The following EXOC5 variants were observed in gnomAD, a reference collection of about 807,000 sequenced individuals.
The protein encoded by EXOC5 is SEC10-like 1.
In EXOC5, 17 loss-of-function variants were observed where a neutral mutation model predicts 90.8. The ratio of observed to expected loss-of-function variants is 0.19; its 90% confidence interval spans 0.13 to 0.28. The LOEUF is 0.28. EXOC5 is among the 10% of genes least tolerant of loss of function. The pLI, the probability that EXOC5 is intolerant of heterozygous loss-of-function variation, is 1.00. For synonymous variants in EXOC5, 260 were observed against 270.0 expected, an observed-to-expected ratio of 0.96 and a Z score of 0.36; for missense variants, 569 against 830.6, an observed-to-expected ratio of 0.69 and a Z score of 3.87.
intron 1 of EXOC5, among the ~76,000 whole-genome samples, chr14:57,262,723 G>A (rs112519821): frequency 0.27 from 37,939 of 141,018 alleles, 12,080 homozygotes; most frequent in African/African-American, 0.76. Flanking sequence ...ATATGTGTGT[G>A]TATATATACG....
intron 1 of EXOC5, among the ~76,000 whole-genome samples, chr14:57,256,691 G>A (rs2065873147): frequency 1.3e-5 from 2 of 152,136 alleles, no homozygotes; most frequent in South Asian, 2.1e-4. Flanking sequence ...AGCCTTCATG[G>A]GCAGATTTTC....
chr14:57,262,436 G>T (rs1884528738), intron 1 of EXOC5, among the ~76,000 whole-genome samples: 1 of 151,766 alleles, frequency 6.6e-6, no homozygotes. Context: ...AAACTGCTAT[G>T]TCTAACTGTG....
At chr14:57,255,630 C>T (rs756483656) in intron 1 of EXOC5, among the ~76,000 whole-genome samples, 13 of 152,008 alleles carry the variant, frequency 8.6e-5, no homozygotes, top group Non-Finnish European at 1.8e-4. Flanking sequence ...CTCAGGAGTT[C>T]GAGACCAGCC....
Position 57,247,650 on chromosome 14 carries a change from A to T in EXOC5, c.90T>A (p.Ser30=). The T allele has an allele frequency of 6.4e-7, 1 of 1,570,396 alleles. No homozygotes were observed. The highest frequency in any genetic ancestry group is 8.6e-7 in the Non-Finnish European group (1 of 1,156,204). The part of the protein sequence containing the change: ...RLVWRTPGGG[S]RGGPEAFDPK... ...GATCAAAAGCTTCAGGTCCACCTCT[A>T]GAGCCTCCTCCTGGGGTTCTCCATA... The change falls in exon 2 of 18, where the codon TCT becomes TCA. Residue 30 remains serine, a synonymous_variant. Coordinates refer to ENST00000621441, the MANE Select transcript of EXOC5 (RefSeq NM_006544.4).
Position 57,207,213 on chromosome 14 carries a change from G to A in EXOC5, c.*1396C>T, listed in dbSNP as rs1566722725. 6.6e-6 allele frequency: 1 copy of A among 152,420 alleles called. No homozygotes were observed. Among genetic ancestry groups the A allele is most frequent in the Non-Finnish European group, 1.5e-5 (1 of 67,944 alleles). The allele number at this position is 152,420 out of a possible 1,614,324, so 9.4% of individuals were successfully genotyped here. On this transcript the variant is annotated 3_prime_UTR_variant, in exon 18 of 18. Transcript: ENST00000621441. ...GTTAGCTCTGGACTTAGAAGGTTTG[G>A]TAAAGTTGATGACATTCAGAATAAG...
intron 10 of EXOC5, 121 bp downstream of exon 10, chr14:57,232,546 T>A: frequency 1.9e-6 from 1 of 537,572 alleles, no homozygotes; most frequent in Non-Finnish European, 3.3e-6. Flanking sequence ...CAGCTAAGCA[T>A]TTAATGCTAA....
intron 7 of EXOC5, 63 bp from the exon 8 acceptor site, chr14:57,234,095 A>T: frequency 7.9e-7 from 1 of 1,268,750 alleles, no homozygotes; most frequent in Non-Finnish European, 1.1e-6. Flanking sequence ...ATTTCAAAAA[A>T]AGAAGTGTTA....
chr14:57,251,423 G>T (rs1437306328), intron 1 of EXOC5, among the ~76,000 whole-genome samples: 2 of 152,206 alleles, frequency 1.3e-5, no homozygotes, highest in African/African-American at 4.8e-5. Context: ...TAAAGTGACT[G>T]TCAGAGGATT....
At chr14:57,224,303 G>A (rs538389198) in intron 12 of EXOC5, among the ~76,000 whole-genome samples, 496 of 151,816 alleles carry the variant, frequency 3.3e-3, no homozygotes, top group African/African-American at 0.011. Flanking sequence ...TTCTTCGGGG[G>A]GAAATAAATC....
intron 17 of EXOC5, among the ~76,000 whole-genome samples, chr14:57,209,111 G>A (rs995744506): frequency 2.0e-5 from 3 of 151,972 alleles, no homozygotes; most frequent in African/African-American, 7.3e-5. Flanking sequence ...AATATTCAGG[G>A]GGACATAAAT....
At chr14:57,231,311 CA>C (rs1883479953) in intron 11 of EXOC5, among the ~76,000 whole-genome samples, 194 bp downstream of exon 11, 1 of 152,052 alleles carries the variant, frequency 6.6e-6, no homozygotes, top group Non-Finnish European at 1.5e-5. Context: ...GCCCGGCTTA[CA>C]TTTCAATCAT....
intron 4 of EXOC5, among the ~76,000 whole-genome samples, chr14:57,243,897 T>A (rs974173906): frequency 2.0e-5 from 3 of 152,172 alleles, no homozygotes; most frequent in African/African-American, 7.2e-5. Context: ...TAAAGAGATA[T>A]TTATGAACAC....
At chr14:57,218,343 T>G (rs1883031137) in intron 14 of EXOC5, among the ~76,000 whole-genome samples, 1 of 152,072 alleles carries the variant, frequency 6.6e-6, no homozygotes. Flanking sequence ...AGGAGACATC[T>G]CTCAAGAATA....
intron 1 of EXOC5, 38 bp downstream of exon 1, chr14:57,268,584 C>G: frequency 3.2e-6 from 5 of 1,574,164 alleles, no homozygotes; most frequent in Non-Finnish European, 3.4e-6. Flanking sequence ...CCTGCAAACC[C>G]CGGGCCTGCC....
intron 4 of EXOC5, among the ~76,000 whole-genome samples, chr14:57,243,045 A>G (rs1416473602): frequency 6.6e-6 from 1 of 152,218 alleles, no homozygotes; most frequent in African/African-American, 2.4e-5. Context: ...GAGCTAAGCT[A>G]TGAGGACACA....
chr14:57,202,912 A>G lies in EXOC5; in HGVS notation c.*5697T>C, dbSNP rs956247551. On this transcript the variant is annotated 3_prime_UTR_variant, in exon 18 of 18. Coordinates refer to ENST00000621441, the MANE Select transcript of EXOC5 (RefSeq NM_006544.4). ...CCCCCTTGTGGCAAAAATTGAAAAT[A>G]CATTCTACTGGAGAACTTAAGAGAG... 2 of 152,192 alleles carry G rather than the reference A, an allele frequency of 1.3e-5. No homozygotes were observed. Among genetic ancestry groups the G allele is most frequent in the African/African-American group, 4.8e-5 (2 of 41,464 alleles). The allele number at this position is 152,192 out of a possible 1,614,324, so 9.4% of individuals were successfully genotyped here. A position where few individuals can be genotyped will look rare whatever the true frequency, so the allele number is the denominator to read the frequency against.
intron 1 of EXOC5, among the ~76,000 whole-genome samples, chr14:57,254,560 G>A (rs1884291093): frequency 6.6e-6 from 1 of 152,128 alleles, no homozygotes; most frequent in Non-Finnish European, 1.5e-5. Context: ...AGTTAAGATT[G>A]GAAGACCAAG....
At chr14:57,220,420 T>C (rs530108692) in intron 13 of EXOC5, among the ~76,000 whole-genome samples, 1 of 152,244 alleles carries the variant, frequency 6.6e-6, no homozygotes, top group South Asian at 2.1e-4. Flanking sequence ...TGTAAGTTTT[T>C]AACCACGAAA....
At position 57,201,496 on chromosome 14, in the gene EXOC5, G is replaced by GTATATACACACACATATGTATA. The variant is rs1372693765; in HGVS notation, c.*7091_*7112dup. On this transcript the variant is annotated 3_prime_UTR_variant, in exon 18 of 18. Coordinates refer to ENST00000621441, the MANE Select transcript of EXOC5 (RefSeq NM_006544.4). Reference sequence around the variant, plus strand: ...TACACACACGTGTATAAACACACGTGTATATACACACACATATGTATATAT... The same window carrying GTATATACACACACATATGTATA: ...TACACACACGTGTATAAACACACGTGTATATACACACACATATGTATATATATACACACACATATGTATATAT... 2 of 122,690 alleles carry GTATATACACACACATATGTATA rather than the reference G, an allele frequency of 1.6e-5. No homozygotes were observed. Among genetic ancestry groups the GTATATACACACACATATGTATA allele is most frequent in the East Asian group, 4.4e-4 (2 of 4,548 alleles). The allele number at this position is 122,690 out of a possible 1,614,324, so 7.6% of individuals were successfully genotyped here.
Sources: gnomAD v4.1 joint callset for allele counts (sites outside exome capture counted in the v4.1 genomes callset) on GRCh38, gnomAD v4.1.1 for gene constraint, MANE v1.5 for transcripts, NCBI Gene and HGNC (gene_info 2026-07-23, HGNC 2026-07-21) for gene names.